The following TRIM26 variants were observed in gnomAD, a reference collection of about 807,000 sequenced individuals.
The protein encoded by TRIM26 is tripartite motif containing 26.
Under a neutral mutation model 45.5 loss-of-function variants are expected in TRIM26, and 16 were observed. The ratio of observed to expected loss-of-function variants is 0.35; its 90% confidence interval spans 0.24 to 0.53. The LOEUF (loss-of-function observed/expected upper bound fraction) is 0.53. Among genes scored for constraint, TRIM26 ranks in the 20% least tolerant of loss-of-function variants. TRIM26 has a pLI of 0.92. For missense variants in TRIM26, 442 were observed against 691.1 expected (o/e 0.64, Z 4.04); for synonymous variants, 273 against 290.4 (o/e 0.94, Z 0.61).
At position 30,189,075 on chromosome 6, in the gene TRIM26, G is replaced by A; in HGVS notation, c.937+92C>T. ...GGAAATTCTTCCTGTTGCAAAAGGG[G>A]CTACCTGGGGGAAAAGTGAGCAGTC... On this transcript the variant is annotated intron_variant, in intron 9 of 9. Transcript: ENST00000454678. This position sits in a 1 kb window ranked among gnomAD's most constrained non-coding sequence, Gnocchi z 5.0. The A allele has an allele frequency of 1.4e-6, 2 of 1,414,404 alleles. No individual in the cohort carries two copies. The highest frequency in any genetic ancestry group is 1.9e-6 in the Non-Finnish European group (2 of 1,032,800). 87.6% of individuals were successfully genotyped at this position (1,414,404 alleles called of 1,614,324 possible). A position where few individuals can be genotyped will look rare whatever the true frequency, so the allele number is the denominator to read the frequency against.
intron 1 of TRIM26, among the ~76,000 whole-genome samples, chr6:30,206,497 T>C (rs1019708388): frequency 6.6e-6 from 1 of 152,276 alleles, no homozygotes; most frequent in African/African-American, 2.4e-5. Flanking sequence ...TAAATTGCCC[T>C]GGTCTTGTGG....
At position 30,207,918 on chromosome 6, in the gene TRIM26, G is replaced by T. The variant is rs187450098; in HGVS notation, c.-375-3153C>A. Among the ~76,000 whole-genome samples, 119 of 152,214 alleles carry T rather than the reference G, an allele frequency of 7.8e-4. No individual in the cohort carries two copies. Among genetic ancestry groups the T allele is most frequent in the Admixed American group, 2.0e-3 (30 of 15,298 alleles). Reference sequence around the variant, plus strand: ...AATTCTTTCCTGACCTGTCAGATTGGGTCCACATGTAGTCTAGTTATACAG... The same window carrying T: ...AATTCTTTCCTGACCTGTCAGATTGTGTCCACATGTAGTCTAGTTATACAG... On this transcript the variant is annotated intron_variant, in intron 1 of 9. Transcript: ENST00000454678. The surrounding 1 kb of genome is among the most constrained non-coding windows in gnomAD (Gnocchi z 4.9).
chr6:30,212,754 G>A (rs1380301081), intron 1 of TRIM26, among the ~76,000 whole-genome samples: 4 of 151,988 alleles, frequency 2.6e-5, no homozygotes, highest in African/African-American at 7.3e-5. Flanking sequence ...GAAATCTACT[G>A]GAGATTTGGA....
At chr6:30,195,073 G>A (rs1581679434) in intron 6 of TRIM26, among the ~76,000 whole-genome samples, 1 of 152,054 alleles carries the variant, frequency 6.6e-6, no homozygotes, top group Non-Finnish European at 1.5e-5. Context: ...CCACCCCAGG[G>A]AGAGCTGCAA....
chr6:30,202,550 C>T (rs1472676563), intron 2 of TRIM26, among the ~76,000 whole-genome samples: 1 of 152,202 alleles, frequency 6.6e-6, no homozygotes, highest in Admixed American at 6.5e-5. Context: ...CCAAATCCAG[C>T]GTCATCAGCA....
In TRIM26 at chr6:30,186,663, A is replaced by G; in HGVS notation, c.938-105T>C. The G allele has an allele frequency of 2.2e-6, 3 of 1,341,394 alleles. No homozygotes were observed. The highest frequency in any genetic ancestry group is 3.0e-6 in the Non-Finnish European group (3 of 1,013,122). The allele number at this position is 1,341,394 out of a possible 1,614,324, so 83.1% of individuals were successfully genotyped here. A position where few individuals can be genotyped will look rare whatever the true frequency, so the allele number is the denominator to read the frequency against. ...TTGGCAGATAGCGTTAAACAAAATT[A>G]AAGTTGCATACATTAGTAATATAAC... On this transcript the variant is annotated intron_variant, in intron 9 of 9. Transcript: ENST00000454678. This position sits in a 1 kb window ranked among gnomAD's most constrained non-coding sequence, Gnocchi z 7.4.
intron 6 of TRIM26, among the ~76,000 whole-genome samples, chr6:30,193,269 C>T (rs1776134780): frequency 6.8e-6 from 1 of 146,574 alleles, no homozygotes; most frequent in African/African-American, 2.6e-5. Flanking sequence ...GCAACCTCTG[C>T]CTCCTGGATT....
intron 2 of TRIM26, 140 bp from the exon 3 acceptor site, chr6:30,201,278 A>C (rs1777139581): frequency 2.0e-5 from 3 of 152,240 alleles, no homozygotes. Context: ...AGAGTAAACA[A>C]AACAGGGATA....
rs1581659313 is a variant in TRIM26 at position 30,190,155 on chromosome 6, T to C, written c.766-120A>G. 2.8e-6 allele frequency: 3 copies of C among 1,089,290 alleles called. No individual in the cohort carries two copies. The East Asian group carries it at 7.6e-5, about 28-fold the overall frequency. The allele number at this position is 1,089,290 out of a possible 1,614,324, so 67.5% of individuals were successfully genotyped here. A position where few individuals can be genotyped will look rare whatever the true frequency, so the allele number is the denominator to read the frequency against. ...AGTGAACAAAACAAATGTGGTCCCT[T>C]TTTTATGGAGCTGACATTCCAGTGG... On this transcript the variant is annotated intron_variant, in intron 6 of 9. Coordinates refer to ENST00000454678, the MANE Select transcript of TRIM26 (RefSeq NM_003449.5). The surrounding 1 kb of genome is among the most constrained non-coding windows in gnomAD (Gnocchi z 4.3).
chr6:30,185,787 G>A lies in TRIM26; in HGVS notation c.*89C>T. The A allele has an allele frequency of 6.9e-7, 1 of 1,453,024 alleles. No individual in the cohort carries two copies. Among genetic ancestry groups the A allele is most frequent in the Non-Finnish European group, 9.3e-7 (1 of 1,077,802 alleles). 90.0% of individuals were successfully genotyped at this position (1,453,024 alleles called of 1,614,324 possible). On this transcript the variant is annotated 3_prime_UTR_variant, in exon 10 of 10. Coordinates refer to ENST00000454678, the MANE Select transcript of TRIM26 (RefSeq NM_003449.5). This position sits in a 1 kb window ranked among gnomAD's most constrained non-coding sequence, Gnocchi z 5.7. ...TGGGGTCCCCTGCTCCAGGTGCTTA[G>A]GCCAGGCATCCCGTCCCCCCATTGA...
In TRIM26 at chr6:30,190,025, T is replaced by A; in HGVS notation, c.776A>T (p.Asp259Val). 6.2e-7 allele frequency: 1 copy of A among 1,612,944 alleles called. No homozygotes were observed. Among genetic ancestry groups the A allele is most frequent in the Non-Finnish European group, 8.5e-7 (1 of 1,179,958 alleles). The change falls in exon 7 of 10, where the codon GAC becomes GTC. Residue 259 changes from aspartate to valine, a missense_variant. Physicochemically the swap from Asp to Val is radical, Grantham distance 152. Transcript: ENST00000454678. The surrounding 1 kb of genome is among the most constrained non-coding windows in gnomAD (Gnocchi z 4.3). ...GAGACTCTTTTACCTGTTTAGGAAG[T>A]CTCTCGTGTCCTAGAAGGGAAAGAA... ...PAAELMQDTR[D>V]FLNRYPRKKF...
rs771491598 is a variant in TRIM26, at chr6:30,209,929, G to A, written c.-376+3376C>T. On this transcript the variant is annotated intron_variant, in intron 1 of 9. Coordinates refer to ENST00000454678, the MANE Select transcript of TRIM26 (RefSeq NM_003449.5). The surrounding 1 kb of genome is among the most constrained non-coding windows in gnomAD (Gnocchi z 4.8). Reference sequence around the variant, plus strand: ...TGAGGTCAAAACTGCACAGGTGGCCGGGCACGGTGCCTCACGCCTGTAATC... The same window carrying A: ...TGAGGTCAAAACTGCACAGGTGGCCAGGCACGGTGCCTCACGCCTGTAATC... Among the ~76,000 whole-genome samples, 5 of 152,004 alleles carry A rather than the reference G, an allele frequency of 3.3e-5. No homozygotes were observed. In the East Asian group the frequency reaches 7.7e-4, roughly 23 times the overall value.
Position 30,190,153 on chromosome 6 carries a change from C to CT in TRIM26, c.766-119dup, listed in dbSNP as rs2127488207. ...TCAGTGAACAAAACAAATGTGGTCC[C>CT]TTTTTTATGGAGCTGACATTCCAGT... On this transcript the variant is annotated intron_variant, in intron 6 of 9. Coordinates refer to ENST00000454678, the MANE Select transcript of TRIM26 (RefSeq NM_003449.5). This position sits in a 1 kb window ranked among gnomAD's most constrained non-coding sequence, Gnocchi z 4.3. The CT allele has an allele frequency of 1.8e-6, 2 of 1,109,980 alleles. No homozygotes were observed. Among genetic ancestry groups the CT allele is most frequent in the South Asian group, 1.3e-5 (1 of 75,336 alleles). 68.8% of individuals were successfully genotyped at this position (1,109,980 alleles called of 1,614,324 possible).
At chr6:30,203,798 C>CT (rs35154638) in intron 2 of TRIM26, among the ~76,000 whole-genome samples, 43,021 of 144,390 alleles carry the variant, frequency 0.3, 6,648 homozygotes, top group Non-Finnish European at 0.35. Flanking sequence ...TGGTTCCTTT[C>CT]TTTTTTTTTT....
intron 1 of TRIM26, among the ~76,000 whole-genome samples, chr6:30,204,968 G>A (rs375647494): frequency 2.6e-5 from 4 of 152,116 alleles, no homozygotes; most frequent in Admixed American, 6.5e-5. Flanking sequence ...GCGGCCGGGC[G>A]CGGTGGCTTC....
In TRIM26 at chr6:30,185,704, C is replaced by T. The variant is rs2127476707; in HGVS notation, c.*172G>A. On this transcript the variant is annotated 3_prime_UTR_variant, in exon 10 of 10. Coordinates refer to ENST00000454678, the MANE Select transcript of TRIM26 (RefSeq NM_003449.5). This position sits in a 1 kb window ranked among gnomAD's most constrained non-coding sequence, Gnocchi z 5.7. ...CCCATTAGGGCAGTAGATGGAGCAA[C>T]AGCACTGAGTGAGATTTCAGGGGGC... 1 of 724,642 alleles carries T rather than the reference C, an allele frequency of 1.4e-6. No individual in the cohort carries two copies. Among genetic ancestry groups the T allele is most frequent in the Non-Finnish European group, 2.3e-6 (1 of 444,288 alleles). The allele number at this position is 724,642 out of a possible 1,614,324, so 44.9% of individuals were successfully genotyped here. A position where few individuals can be genotyped will look rare whatever the true frequency, so the allele number is the denominator to read the frequency against.
chr6:30,190,299 T>G lies in TRIM26; in HGVS notation c.766-264A>C. 1.7e-6 allele frequency: 1 copy of G among 572,594 alleles called. No homozygotes were observed. The highest frequency in any genetic ancestry group is 2.9e-5 in the East Asian group (1 of 34,634). The allele number at this position is 572,594 out of a possible 1,614,324, so 35.5% of individuals were successfully genotyped here. On this transcript the variant is annotated intron_variant, in intron 6 of 9. Transcript: ENST00000454678. The surrounding 1 kb of genome is among the most constrained non-coding windows in gnomAD (Gnocchi z 4.3). Reference sequence around the variant, plus strand: ...GATACCTGCGCAGAGAATTGACGGATAAGAAGTACTGGCCGGATGAAGAGA... The same window carrying G: ...GATACCTGCGCAGAGAATTGACGGAGAAGAAGTACTGGCCGGATGAAGAGA...
chr6:30,203,197 C>A (rs1777379633), intron 2 of TRIM26, among the ~76,000 whole-genome samples: 1 of 151,740 alleles, frequency 6.6e-6, no homozygotes, highest in Non-Finnish European at 1.5e-5. Flanking sequence ...GTGCATACTA[C>A]CACACTTGGC....
At position 30,185,789 on chromosome 6, in the gene TRIM26, C is replaced by G; in HGVS notation, c.*87G>C. On this transcript the variant is annotated 3_prime_UTR_variant, in exon 10 of 10. Coordinates refer to ENST00000454678, the MANE Select transcript of TRIM26 (RefSeq NM_003449.5). This position sits in a 1 kb window ranked among gnomAD's most constrained non-coding sequence, Gnocchi z 5.7. ...GGGTCCCCTGCTCCAGGTGCTTAGGCCAGGCATCCCGTCCCCCCATTGAGA... is the reference window on the plus strand; with the variant it reads ...GGGTCCCCTGCTCCAGGTGCTTAGGGCAGGCATCCCGTCCCCCCATTGAGA... 1 of 1,465,710 alleles carries G rather than the reference C, an allele frequency of 6.8e-7. No individual in the cohort carries two copies. Among genetic ancestry groups the G allele is most frequent in the Non-Finnish European group, 9.2e-7 (1 of 1,088,580 alleles). The allele number at this position is 1,465,710 out of a possible 1,614,324, so 90.8% of individuals were successfully genotyped here. A position where few individuals can be genotyped will look rare whatever the true frequency, so the allele number is the denominator to read the frequency against.
Sources: allele counts gnomAD v4.1 joint callset (sites outside exome capture counted in the v4.1 genomes callset), GRCh38; gene constraint gnomAD v4.1.1; non-coding constraint Gnocchi (gnomAD v3.1); transcripts MANE v1.5; gene names NCBI Gene and HGNC (gene_info 2026-07-23, HGNC 2026-07-21).